ATP8A1: variants seen among roughly 807,000 people sequenced by gnomAD.
ATP8A1 encodes ATPase phospholipid transporting 8A1.
In ATP8A1, 90 loss-of-function variants were observed where a neutral mutation model predicts 177.7. That is an observed-to-expected ratio of 0.51 (90% CI 0.43 to 0.60). The LOEUF (loss-of-function observed/expected upper bound fraction) is 0.60. Ranked by LOEUF, ATP8A1 falls within the 20% of genes least tolerant of loss-of-function variation. The pLI is 0.00. For missense variants in ATP8A1, 1,072 were observed against 1,392.8 expected (o/e 0.77, Z 3.67); for synonymous variants, 493 against 485.9 (o/e 1.01, Z -0.19).
At chr4:42,601,038 T>TTC (rs374530069) in intron 5 of ATP8A1, among the ~76,000 whole-genome samples, 31,726 of 139,774 alleles carry the variant, frequency 0.23, 4,099 homozygotes, top group Non-Finnish European at 0.3. Flanking sequence ...ATTTTCTTTT[T>TTC]TTTTTTTTTT....
Position 42,507,101 on chromosome 4 carries a change from C to T in ATP8A1, c.2001G>A (p.Val667=). The T allele has an allele frequency of 6.2e-7, 1 of 1,613,962 alleles. No homozygotes were observed. The highest frequency in any genetic ancestry group is 8.5e-7 in the Non-Finnish European group (1 of 1,179,940). Residue 667 remains valine, a synonymous_variant, in exon 23 of 37, where the codon GTG becomes GTA. Transcript: ENST00000381668. ...TCATTAGCGTTTCTATGGTTTCAGG[C>T]ACTTGATCTTGTAATTTATCCTCAA... ...TAIEDKLQDQ[V]PETIETLMKA...
chr4:42,575,602 C>G lies in ATP8A1; in HGVS notation c.1206+20G>C, dbSNP rs1244397724. 6.2e-7 allele frequency: 1 copy of G among 1,605,962 alleles called. No individual in the cohort carries two copies. Among genetic ancestry groups the G allele is most frequent in the Non-Finnish European group, 8.5e-7 (1 of 1,173,324 alleles). On this transcript the variant is annotated intron_variant, in intron 13 of 36. Coordinates refer to ENST00000381668, the MANE Select transcript of ATP8A1 (RefSeq NM_006095.2). ...CTAACTTTTTAATTCCACACATAATCAACAATAAATTGAGTTTACCTGGCC... is the reference window on the plus strand; with the variant it reads ...CTAACTTTTTAATTCCACACATAATGAACAATAAATTGAGTTTACCTGGCC...
At chr4:42,579,754 A>G in intron 11 of ATP8A1, 59 bp downstream of exon 11, 1 of 1,396,842 alleles carries the variant, frequency 7.2e-7, no homozygotes, top group Non-Finnish European at 9.9e-7. Context: ...ATCAAGATCA[A>G]TTGTGAAACA....
chr4:42,609,703 C>T (rs1046342950), intron 5 of ATP8A1, among the ~76,000 whole-genome samples: 6 of 152,082 alleles, frequency 3.9e-5, no homozygotes, highest in Non-Finnish European at 8.8e-5. Flanking sequence ...TTGAATCTAT[C>T]CACTGTGTGC....
intron 24 of ATP8A1, among the ~76,000 whole-genome samples, chr4:42,497,031 G>A (rs1723347232): frequency 6.6e-6 from 1 of 152,196 alleles, no homozygotes; most frequent in Non-Finnish European, 1.5e-5. Context: ...ATAAGTGTTG[G>A]ATGGAGAATG....
intron 20 of ATP8A1, among the ~76,000 whole-genome samples, chr4:42,525,762 G>C (rs1726611955): frequency 6.6e-6 from 1 of 152,046 alleles, no homozygotes; most frequent in Non-Finnish European, 1.5e-5. Flanking sequence ...TTTCTCAGTG[G>C]TATTACCCAT....
chr4:42,608,192 T>C (rs1419622410), intron 5 of ATP8A1, among the ~76,000 whole-genome samples: 1 of 152,116 alleles, frequency 6.6e-6, no homozygotes, highest in Non-Finnish European at 1.5e-5. Flanking sequence ...AAGTGGCCAG[T>C]TTCTCAGGAC....
intron 24 of ATP8A1, among the ~76,000 whole-genome samples, chr4:42,496,759 T>A (rs1028306364): frequency 2.6e-5 from 4 of 151,748 alleles, no homozygotes; most frequent in Non-Finnish European, 5.9e-5. Context: ...TATACACACA[T>A]ATATATACGC....
chr4:42,498,777 C>T (rs1432661319), intron 24 of ATP8A1, among the ~76,000 whole-genome samples: 1 of 152,064 alleles, frequency 6.6e-6, no homozygotes, highest in Non-Finnish European at 1.5e-5. Context: ...CAACTCCACC[C>T]CTAAATGAGA....
rs146615327 is a variant in ATP8A1 at position 42,602,020 on chromosome 4, G to T, written c.410-1502C>A. ...CATTTTTTTTTTATTACTTGTACTTGCAGCACTTTTGGTATATGGGACATT... is the reference window on the plus strand; with the variant it reads ...CATTTTTTTTTTATTACTTGTACTTTCAGCACTTTTGGTATATGGGACATT... On this transcript the variant is annotated intron_variant, in intron 5 of 36. Transcript: ENST00000381668. 4.9e-3 allele frequency among the ~76,000 whole-genome samples: 747 copies of T among 151,352 alleles called. 8 individuals are homozygous for T. Among genetic ancestry groups the T allele is most frequent in the Non-Finnish European group, 7.3e-3 (498 of 67,892 alleles).
rs1363853925 is a variant in ATP8A1, at chr4:42,656,518, C to T, written c.49+307G>A. 2.0e-5 allele frequency among the ~76,000 whole-genome samples: 3 copies of T among 151,696 alleles called. No individual in the cohort carries two copies. In the East Asian group the frequency reaches 5.9e-4, roughly 30 times the overall value. On this transcript the variant is annotated intron_variant, in intron 1 of 36. Transcript: ENST00000381668. ...GGGGATCTGCTGAGTGGAAATCGAA[C>T]TGGTGGGGAGGGAGGTGGGCAGGGC...
Position 42,579,845 on chromosome 4 carries a change from T to G in ATP8A1, c.968A>C (p.His323Pro). ...ATTGAGATACCAGTCTTTTCCAGAA[T>G]GCCTTCGATTCCAAATGGCTGAGCC... ...SVGSAIWNRRHSGKDWYLNLN... is the reference protein window; with the variant it reads ...SVGSAIWNRRPSGKDWYLNLN... Residue 323 changes from histidine (H) to proline (P), a missense_variant, in exon 11 of 37, where the codon CAT becomes CCT. Physicochemically the swap from His to Pro is moderately conservative, Grantham distance 77. Coordinates refer to ENST00000381668, the MANE Select transcript of ATP8A1 (RefSeq NM_006095.2). 6.2e-7 allele frequency: 1 copy of G among 1,613,740 alleles called. No homozygotes were observed. The highest frequency in any genetic ancestry group is 8.5e-7 in the Non-Finnish European group (1 of 1,179,860).
At chr4:42,647,915 A>T (rs970096266) in intron 1 of ATP8A1, among the ~76,000 whole-genome samples, 1 of 152,182 alleles carries the variant, frequency 6.6e-6, no homozygotes, top group Non-Finnish European at 1.5e-5. Context: ...AGTAAAACCA[A>T]CAGATACCTG....
intron 9 of ATP8A1, among the ~76,000 whole-genome samples, chr4:42,585,500 T>C (rs763105906): frequency 6.2e-5 from 9 of 144,582 alleles, no homozygotes; most frequent in Non-Finnish European, 9.0e-5. Context: ...TCCGAGAGCC[T>C]CCGCCATGTG....
chr4:42,608,709 CACT>C (rs1736075022), intron 5 of ATP8A1, among the ~76,000 whole-genome samples: 2 of 152,108 alleles, frequency 1.3e-5, no homozygotes, highest in Non-Finnish European at 2.9e-5. Flanking sequence ...AAGACAATGA[CACT>C]ACTGTTGTCA....
At chr4:42,620,039 T>C (rs565185838) in intron 4 of ATP8A1, among the ~76,000 whole-genome samples, 103 of 152,314 alleles carry the variant, frequency 6.8e-4, no homozygotes, top group African/African-American at 2.2e-3. Flanking sequence ...ATATGAGACA[T>C]GATTACCAGC....
intron 4 of ATP8A1, among the ~76,000 whole-genome samples, chr4:42,624,152 G>A (rs537583124): frequency 6.6e-6 from 1 of 151,710 alleles, no homozygotes; most frequent in Admixed American, 6.6e-5. Context: ...GAAATCCAAG[G>A]CATTTAATAA....
At chr4:42,590,918 C>CAAAA in intron 6 of ATP8A1, 34 bp from the exon 7 acceptor site, 6 of 1,160,498 alleles carry the variant, frequency 5.2e-6, no homozygotes, top group East Asian at 2.6e-5. Context: ...TTAAAATGGC[C>CAAAA]AAAAAAAAAA....
At position 42,491,426 on chromosome 4, in the gene ATP8A1, A is replaced by G. The variant is rs180830465; in HGVS notation, c.2152-5758T>C. On this transcript the variant is annotated intron_variant, in intron 24 of 36. Coordinates refer to ENST00000381668, the MANE Select transcript of ATP8A1 (RefSeq NM_006095.2). The stretch of plus-strand genomic sequence containing the variant: ...ACTCTAATAAAATAATGTAACAGCA[A>G]TCTTTGAGAAATTAGAGACTAGCAG... 6.7e-4 allele frequency among the ~76,000 whole-genome samples: 102 copies of G among 152,332 alleles called. 1 individual carries two copies. The highest frequency in any genetic ancestry group is 6.7e-3 in the Admixed American group (102 of 15,290).
Sources: allele counts gnomAD v4.1 joint callset (sites outside exome capture counted in the v4.1 genomes callset), GRCh38; gene constraint gnomAD v4.1.1; transcripts MANE v1.5; gene names NCBI Gene and HGNC (gene_info 2026-07-23, HGNC 2026-07-21).